The following ZNF804B variants were observed in gnomAD, a reference collection of about 807,000 sequenced individuals.
ZNF804B encodes the protein zinc finger protein 804B.
Under a neutral mutation model 101.4 loss-of-function variants are expected in ZNF804B, and 80 were observed. That is an observed-to-expected ratio of 0.79 (90% CI 0.66 to 0.95). ZNF804B has a LOEUF of 0.95. Among genes scored for constraint, ZNF804B ranks in the 40% least tolerant of loss-of-function variants. The pLI, the probability that ZNF804B is intolerant of heterozygous loss-of-function variation, is 0.00. For synonymous variants in ZNF804B, 622 were observed against 558.8 expected, an observed-to-expected ratio of 1.11 and a Z score of -1.59; for missense variants, 1,673 against 1,561.9, an observed-to-expected ratio of 1.07 and a Z score of -1.20.
At chr7:88,904,741 C>A (rs992300694) in intron 1 of ZNF804B, among the ~76,000 whole-genome samples, 1 of 152,056 alleles carries the variant, frequency 6.6e-6, no homozygotes, top group Admixed American at 6.6e-5. Flanking sequence ...CTTAATTTAA[C>A]TCTCAGCCTG....
intron 1 of ZNF804B, among the ~76,000 whole-genome samples, chr7:88,829,984 T>C (rs1791107728): frequency 6.6e-6 from 1 of 152,172 alleles, no homozygotes. Context: ...AGAAAGCTAG[T>C]TAAGCTGCTA....
At chr7:89,020,935 A>AT (rs1014484049) in intron 1 of ZNF804B, among the ~76,000 whole-genome samples, 80 of 151,924 alleles carry the variant, frequency 5.3e-4, no homozygotes, top group Non-Finnish European at 7.6e-4. Context: ...TTATTTTGAC[A>AT]TTTTTTTCCT....
chr7:89,246,249 GT>G lies in ZNF804B; in HGVS notation c.249+27957del, dbSNP rs534421211. Among the ~76,000 whole-genome samples the G allele has an allele frequency of 3.8e-3, 574 of 152,312 alleles. 3 individuals carry two copies. The highest frequency in any genetic ancestry group is 0.013 in the African/African-American group (552 of 41,562). On this transcript the variant is annotated intron_variant, in intron 2 of 3. Transcript: ENST00000333190. Reference sequence around the variant, plus strand: ...CAAGAGGAGATATATGACAGCTGCAGTTTCTCCTGAACAATAAGACTTGCAG... The same window carrying G: ...CAAGAGGAGATATATGACAGCTGCAGTTCTCCTGAACAATAAGACTTGCAG...
intron 1 of ZNF804B, among the ~76,000 whole-genome samples, chr7:89,070,452 C>T (rs1789519410): frequency 6.6e-6 from 1 of 152,088 alleles, no homozygotes; most frequent in Non-Finnish European, 1.5e-5. Flanking sequence ...TGTAATAACA[C>T]TGGAGGGTTT....
chr7:89,292,248 C>T (rs1790308672), intron 2 of ZNF804B, among the ~76,000 whole-genome samples: 1 of 152,092 alleles, frequency 6.6e-6, no homozygotes, highest in South Asian at 2.1e-4. Context: ...CAGAGAAACA[C>T]AGACTATTTT....
At chr7:89,008,067 C>T (rs371499848) in intron 1 of ZNF804B, among the ~76,000 whole-genome samples, 64 of 152,134 alleles carry the variant, frequency 4.2e-4, no homozygotes, top group African/African-American at 1.5e-3. Context: ...AATAGAAAAT[C>T]GGTTAAAGTT....
intron 1 of ZNF804B, among the ~76,000 whole-genome samples, chr7:88,925,594 T>C (rs988009036): frequency 2.0e-5 from 3 of 152,128 alleles, no homozygotes; most frequent in Non-Finnish European, 4.4e-5. Context: ...ATAAACCTGT[T>C]GACAGCTTGA....
intron 1 of ZNF804B, among the ~76,000 whole-genome samples, chr7:89,123,052 C>T (rs895082330): frequency 6.6e-6 from 1 of 151,902 alleles, no homozygotes; most frequent in Non-Finnish European, 1.5e-5. Flanking sequence ...GTCTATAAAA[C>T]TTGTCACGGT....
intron 1 of ZNF804B, among the ~76,000 whole-genome samples, chr7:89,095,199 G>A (rs1789954106): frequency 6.6e-6 from 1 of 152,060 alleles, no homozygotes; most frequent in Admixed American, 6.5e-5. Flanking sequence ...TTGATGGAGA[G>A]GCTTTGTCTT....
chr7:88,800,800 G>A (rs1170860372), intron 1 of ZNF804B, among the ~76,000 whole-genome samples: 1 of 150,938 alleles, frequency 6.6e-6, no homozygotes, highest in East Asian at 2.0e-4. Context: ...TTAAGAAAAT[G>A]GAAACAATCT....
intron 2 of ZNF804B, among the ~76,000 whole-genome samples, chr7:89,243,757 G>GTTT (rs550923633): frequency 6.6e-6 from 1 of 150,524 alleles, no homozygotes; most frequent in African/African-American, 2.4e-5. Context: ...GTTTTGTTTT[G>GTTT]TTTTTTTTTA....
intron 1 of ZNF804B, among the ~76,000 whole-genome samples, chr7:89,081,813 G>GA (rs1789702540): frequency 6.6e-6 from 1 of 151,772 alleles, no homozygotes; most frequent in South Asian, 2.1e-4. Flanking sequence ...AATGACCTAT[G>GA]AAAAGCAAAT....
chr7:89,101,020 C>T (rs573777477), intron 1 of ZNF804B, among the ~76,000 whole-genome samples: 1 of 151,950 alleles, frequency 6.6e-6, no homozygotes, highest in African/African-American at 2.4e-5. Context: ...ACCAAACCAC[C>T]CACAAAAAGA....
At chr7:88,957,211 C>T (rs1282028264) in intron 1 of ZNF804B, among the ~76,000 whole-genome samples, 1 of 151,476 alleles carries the variant, frequency 6.6e-6, no homozygotes, top group Admixed American at 6.6e-5. Context: ...TTATCCAGAA[C>T]ACATTTTGTG....
At chr7:88,826,610 A>G (rs1791053909) in intron 1 of ZNF804B, among the ~76,000 whole-genome samples, 1 of 152,060 alleles carries the variant, frequency 6.6e-6, no homozygotes, top group African/African-American at 2.4e-5. Flanking sequence ...TTTACAGAAT[A>G]TTATTGGGGT....
chr7:89,130,923 A>T (rs1161556849), intron 1 of ZNF804B, among the ~76,000 whole-genome samples: 1 of 152,022 alleles, frequency 6.6e-6, no homozygotes, highest in East Asian at 1.9e-4. Flanking sequence ...TAGGAACTGA[A>T]CGACCAAAGT....
chr7:89,094,530 G>T (rs1368650218), intron 1 of ZNF804B, among the ~76,000 whole-genome samples: 1 of 151,954 alleles, frequency 6.6e-6, no homozygotes, highest in African/African-American at 2.4e-5. Flanking sequence ...GAGAAGATAT[G>T]GGTACACTCA....
chr7:89,329,763 A>T (rs1276098302), intron 3 of ZNF804B, among the ~76,000 whole-genome samples: 3 of 151,608 alleles, frequency 2.0e-5, no homozygotes, highest in Admixed American at 6.6e-5. Context: ...ATTTTTCCAA[A>T]ATTTAAAAAT....
At chr7:88,824,203 C>T (rs1791023872) in intron 1 of ZNF804B, among the ~76,000 whole-genome samples, 1 of 152,104 alleles carries the variant, frequency 6.6e-6, no homozygotes, top group Non-Finnish European at 1.5e-5. Context: ...GCCTTTGTTT[C>T]CCCACCCATA....
Sources: gnomAD v4.1 joint callset for allele counts (sites outside exome capture counted in the v4.1 genomes callset) on GRCh38, gnomAD v4.1.1 for gene constraint, MANE v1.5 for transcripts, NCBI Gene and HGNC (gene_info 2026-07-23, HGNC 2026-07-21) for gene names.